Variants in CACNA1C observed in about 807,000 individuals in gnomAD.
The protein encoded by CACNA1C is calcium voltage-gated channel subunit alpha1 C.
In CACNA1C, 30 loss-of-function variants were observed where a neutral mutation model predicts 229.0. The observed-to-expected ratio is 0.13, with a 90% CI of 0.10 to 0.18. The LOEUF (loss-of-function observed/expected upper bound fraction) is 0.18. Among genes scored for constraint, CACNA1C ranks in the 10% least tolerant of loss-of-function variants. The pLI is 1.00. For synonymous variants in CACNA1C, 1,114 were observed against 1,132.5 expected (o/e 0.98, Z 0.33); for missense variants, 1,658 against 2,845.0 (o/e 0.58, Z 9.49).
chr12:2,135,851 G>C (rs1395851487), intron 3 of CACNA1C, among the ~76,000 whole-genome samples: 11 of 147,412 alleles, frequency 7.5e-5, no homozygotes, highest in Non-Finnish European at 1.3e-4. Flanking sequence ...CGAGCTTCCC[G>C]GCTGCTTTGT....
At chr12:2,475,012 G>A (rs1597430869) in intron 5 of CACNA1C, among the ~76,000 whole-genome samples, 1 of 152,008 alleles carries the variant, frequency 6.6e-6, no homozygotes, top group African/African-American at 2.4e-5. Flanking sequence ...GTGAAAATAA[G>A]GTTTTGGCTG....
At chr12:2,139,088 TCA>T (rs2154188969) in intron 3 of CACNA1C, among the ~76,000 whole-genome samples, 1 of 151,256 alleles carries the variant, frequency 6.6e-6, no homozygotes, top group East Asian at 1.9e-4. Flanking sequence ...ATTTATTGTC[TCA>T]CAGTTCCAGA....
chr12:2,528,568 T>C (rs2099832027), intron 9 of CACNA1C, among the ~76,000 whole-genome samples: 1 of 152,202 alleles, frequency 6.6e-6, no homozygotes, highest in Admixed American at 6.5e-5. Flanking sequence ...ACTGCCATGT[T>C]ACCAGGCCAG....
chr12:2,650,137 T>G (rs740728), intron 31 of CACNA1C, among the ~76,000 whole-genome samples: 1 of 152,020 alleles, frequency 6.6e-6, no homozygotes, highest in East Asian at 1.9e-4. Flanking sequence ...TTTTGAAATA[T>G]AAGAAATATT....
intron 15 of CACNA1C, 108 bp downstream of exon 15, chr12:2,583,050 AC>A: frequency 1.3e-6 from 1 of 761,736 alleles, no homozygotes; most frequent in Non-Finnish European, 2.2e-6. Flanking sequence ...TCGGGCTCAC[AC>A]CACCCAGCCT....
intron 3 of CACNA1C, among the ~76,000 whole-genome samples, chr12:2,302,919 G>A (rs968320524): frequency 2.4e-4 from 36 of 152,214 alleles, no homozygotes; most frequent in African/African-American, 8.7e-4. Context: ...CTTTGGCTGG[G>A]CTTGCTGCCT....
rs1288134226 is a variant in CACNA1C, at chr12:2,186,622, C to T, written c.477+66192C>T. Among the ~76,000 whole-genome samples, 5 of 152,162 alleles carry T rather than the reference C, an allele frequency of 3.3e-5. No individual in the cohort carries two copies. In the East Asian group the frequency reaches 9.6e-4, roughly 29 times the overall value. ...TTATTGATCCCTGACTTGTTCATAC[C>T]ATGTGCCTGGAATTCAGCACTTACA... On this transcript the variant is annotated intron_variant, in intron 3 of 46. Coordinates refer to ENST00000399655, the MANE Select transcript of CACNA1C (RefSeq NM_000719.7).
chr12:2,207,366 T>C (rs1238560497), intron 3 of CACNA1C, among the ~76,000 whole-genome samples: 1 of 152,228 alleles, frequency 6.6e-6, no homozygotes, highest in Admixed American at 6.5e-5. Context: ...TTATATTCAT[T>C]GTGATAGTTT....
intron 3 of CACNA1C, among the ~76,000 whole-genome samples, chr12:2,404,709 C>T (rs1316292029): frequency 6.6e-6 from 1 of 152,074 alleles, no homozygotes; most frequent in Non-Finnish European, 1.5e-5. Context: ...TAGTTTGTCT[C>T]GTCAGCTTCT....
At chr12:2,557,771 G>T (rs1020501566) in intron 11 of CACNA1C, among the ~76,000 whole-genome samples, 1 of 152,192 alleles carries the variant, frequency 6.6e-6, no homozygotes, top group Admixed American at 6.5e-5. Flanking sequence ...CTCTGTCACA[G>T]CACTCAGCAC....
At chr12:2,282,072 A>C (rs1290739813) in intron 3 of CACNA1C, among the ~76,000 whole-genome samples, 3 of 151,626 alleles carry the variant, frequency 2.0e-5, no homozygotes, top group Non-Finnish European at 4.4e-5. Context: ...TCCCTCCCTC[A>C]TTCCTTATCT....
chr12:2,253,267 C>T (rs1407312598), intron 3 of CACNA1C, among the ~76,000 whole-genome samples: 3 of 152,218 alleles, frequency 2.0e-5, no homozygotes, highest in South Asian at 2.1e-4. Flanking sequence ...GGAAGTCCTT[C>T]GAAGCCCGTC....
rs756829999 is a variant in CACNA1C at position 2,679,691 on chromosome 12, G to A, written c.5339G>A (p.Arg1780His). 13 of 1,612,002 alleles carry A rather than the reference G, an allele frequency of 8.1e-6. No individual in the cohort carries two copies. The highest frequency in any genetic ancestry group is 6.7e-5 in the East Asian group (3 of 44,832). Residue 1780 changes from arginine (R) to histidine (H), a missense_variant, in exon 42 of 47, where the codon CGC becomes CAC. Transcript: ENST00000399655. This position sits in a 1 kb window ranked among gnomAD's most constrained non-coding sequence, Gnocchi z 5.5. ...AACACCGCCCTGGGTCGCCTCCCTC[G>A]CCCCGCCGGCTACCCCAGCACGGTC... ...ANNTALGRLP[R>H]PAGYPSTVST... is the part of the protein sequence containing the mutation.
At chr12:2,373,161 C>G (rs996573486) in intron 3 of CACNA1C, among the ~76,000 whole-genome samples, 1 of 152,164 alleles carries the variant, frequency 6.6e-6, no homozygotes, top group Admixed American at 6.5e-5. Flanking sequence ...TTCCCCAACC[C>G]TTCATTTGAG....
intron 3 of CACNA1C, among the ~76,000 whole-genome samples, chr12:2,433,004 T>C (rs190800283): frequency 6.6e-6 from 1 of 152,148 alleles, no homozygotes; most frequent in Non-Finnish European, 1.5e-5. Context: ...GCAGCGACAG[T>C]CCCCTTCCAC....
intron 38 of CACNA1C, among the ~76,000 whole-genome samples, chr12:2,671,229 G>T (rs1448573395): frequency 6.6e-6 from 1 of 151,896 alleles, no homozygotes; most frequent in African/African-American, 2.4e-5. Flanking sequence ...TGGCCAGGAT[G>T]GTCTCAATCT....
At position 2,139,036 on chromosome 12, in the gene CACNA1C, G is replaced by A. The variant is rs568394872; in HGVS notation, c.477+18606G>A. On this transcript the variant is annotated intron_variant, in intron 3 of 46. Transcript: ENST00000399655. Reference sequence around the variant, plus strand: ...CTCAGTGTGTTTGTTTTCTAGCACTGCTGTGAAAATACCATGCATTTGGTG... The same window carrying A: ...CTCAGTGTGTTTGTTTTCTAGCACTACTGTGAAAATACCATGCATTTGGTG... Among the ~76,000 whole-genome samples, 3 of 150,796 alleles carry A rather than the reference G, an allele frequency of 2.0e-5. No homozygotes were observed. In the South Asian group the frequency reaches 6.4e-4, roughly 32 times the overall value.
rs548867134 is a variant in CACNA1C at position 2,122,998 on chromosome 12, T to C, written c.477+2568T>C. Among the ~76,000 whole-genome samples the C allele has an allele frequency of 4.6e-5, 7 of 152,306 alleles. No homozygotes were observed. In the East Asian group the frequency reaches 9.7e-4, roughly 21 times the overall value. On this transcript the variant is annotated intron_variant, in intron 3 of 46. Coordinates refer to ENST00000399655, the MANE Select transcript of CACNA1C (RefSeq NM_000719.7). Reference sequence around the variant, plus strand: ...TCCTCGCAGGGATGCCGATGATTAGTCAGCTTTGGGAACAACCGGCCTCTT... The same window carrying C: ...TCCTCGCAGGGATGCCGATGATTAGCCAGCTTTGGGAACAACCGGCCTCTT...
chr12:2,667,319 T>TTTCTCCCTCCTCTCCA lies in CACNA1C; in HGVS notation c.4623+537_4623+538insTTCTCCCTCCTCTCCA, dbSNP rs1556002444. 1.6e-3 allele frequency among the ~76,000 whole-genome samples: 236 copies of TTTCTCCCTCCTCTCCA among 152,078 alleles called. 1 individual carries two copies. Among genetic ancestry groups the TTTCTCCCTCCTCTCCA allele is most frequent in the African/African-American group, 5.1e-3 (210 of 41,480 alleles). On this transcript the variant is annotated intron_variant, in intron 37 of 46. Transcript: ENST00000399655. Reference sequence around the variant, plus strand: ...TCTCCCTCCTCTCCACCGTGGCCATTCCGTGCTCCTTGTTGGGGCAATAAT... The same window carrying TTTCTCCCTCCTCTCCA: ...TCTCCCTCCTCTCCACCGTGGCCATTTTCTCCCTCCTCTCCACCGTGCTCCTTGTTGGGGCAATAAT...
Sources: gnomAD v4.1 joint callset for allele counts (sites outside exome capture counted in the v4.1 genomes callset) on GRCh38, gnomAD v4.1.1 for gene constraint, Gnocchi (gnomAD v3.1) non-coding constraint, MANE v1.5 for transcripts, NCBI Gene and HGNC (gene_info 2026-07-23, HGNC 2026-07-21) for gene names.